Variants in MAGI3 observed in about 807,000 individuals in gnomAD.
MAGI3 encodes membrane associated guanylate kinase, WW and PDZ domain containing 3, also known as membrane-associated guanylate kinase, WW and PDZ domain-containing protein 3.
A neutral mutation model predicts 121.8 loss-of-function variants in MAGI3; 43 were observed. The ratio of observed to expected loss-of-function variants is 0.35; its 90% CI spans 0.28 to 0.46. The LOEUF (loss-of-function observed/expected upper bound fraction) is 0.46, where lower values mean the gene tolerates loss of function less well. MAGI3 is among the 20% of genes least tolerant of loss of function. The probability of loss-of-function intolerance (pLI) is 1.00; values close to 1 mark genes in which losing one functional copy is unlikely to be tolerated. For missense variants in MAGI3, 1,547 were observed against 1,797.3 expected, an observed-to-expected ratio of 0.86 and a Z score of 2.52; for synonymous variants, 553 against 639.3, an observed-to-expected ratio of 0.86 and a Z score of 2.04.
chr1:113,682,503 T>A, intron 20 of MAGI3: 2 of 1,315,920 alleles, frequency 1.5e-6, no homozygotes, highest in Non-Finnish European at 1.9e-6. Flanking sequence ...CCTTTATTAA[T>A]TAGTGATTTT....
At chr1:113,578,596 A>T (rs1259160861) in intron 2 of MAGI3, among the ~76,000 whole-genome samples, 11 of 152,022 alleles carry the variant, frequency 7.2e-5, no homozygotes, top group African/African-American at 1.2e-4. Flanking sequence ...AATTTTAAAA[A>T]TTTTTTTATA....
rs79033153 is a variant in MAGI3 at position 113,530,466 on chromosome 1, G to A, written c.317-19049G>A. Reference sequence around the variant, plus strand: ...TATTTGAGGGTAGAGGGTGGGAGGAGGGAGAGGATTAAAAAAAATACCTGT... The same window carrying A: ...TATTTGAGGGTAGAGGGTGGGAGGAAGGAGAGGATTAAAAAAAATACCTGT... On this transcript the variant is annotated intron_variant, in intron 1 of 20. Coordinates refer to ENST00000307546, the MANE Select transcript of MAGI3 (RefSeq NM_001142782.2). 2.2e-3 allele frequency among the ~76,000 whole-genome samples: 340 copies of A among 152,080 alleles called. 2 individuals carry two copies. Among genetic ancestry groups the A allele is most frequent in the African/African-American group, 7.9e-3 (327 of 41,488 alleles).
intron 1 of MAGI3, among the ~76,000 whole-genome samples, chr1:113,513,853 A>G (rs1255492475): frequency 2.6e-5 from 4 of 152,080 alleles, no homozygotes; most frequent in East Asian, 1.9e-4. Context: ...CCTACAAAAC[A>G]GGAGAAAATT....
intron 1 of MAGI3, among the ~76,000 whole-genome samples, chr1:113,494,584 G>C (rs985493726): frequency 1.4e-4 from 21 of 152,320 alleles, no homozygotes; most frequent in Non-Finnish European, 2.9e-4. Flanking sequence ...CATGCTAAAT[G>C]ATGTATCCCA....
intron 12 of MAGI3, 54 bp from the exon 13 acceptor site, chr1:113,649,183 G>A: frequency 1.4e-6 from 2 of 1,388,686 alleles, no homozygotes; most frequent in Non-Finnish European, 2.0e-6. Context: ...ACTTTGTTTT[G>A]TTTTAATCCT....
At chr1:113,622,739 T>A (rs1445264892) in intron 8 of MAGI3, 67 bp from the exon 9 acceptor site, 1 of 1,253,646 alleles carries the variant, frequency 8.0e-7, no homozygotes, top group Non-Finnish European at 1.1e-6. Context: ...ATATAAAAGA[T>A]TGACTCTGAG....
chr1:113,521,499 G>T (rs1177544912), intron 1 of MAGI3, among the ~76,000 whole-genome samples: 1 of 150,788 alleles, frequency 6.6e-6, no homozygotes, highest in African/African-American at 2.4e-5. Context: ...TCTGCCTTCC[G>T]GGTTCATGCC....
At chr1:113,574,957 C>A (rs2359410) in intron 2 of MAGI3, among the ~76,000 whole-genome samples, 9,542 of 151,958 alleles carry the variant, frequency 0.063, 333 homozygotes, top group Non-Finnish European at 0.075. Flanking sequence ...CTCTGATATC[C>A]GTTCTTCCAC....
chr1:113,436,855 C>A lies in MAGI3; in HGVS notation c.316+45506C>A, dbSNP rs1653591668. ...TTGAGACGGAGTCTCACTCTGTTGC[C>A]CAGGCTGGAGTGCAGTGGCACTGAT... is the stretch of plus-strand genomic sequence containing the variant. On this transcript the variant is annotated intron_variant, in intron 1 of 20. Coordinates refer to ENST00000307546, the MANE Select transcript of MAGI3 (RefSeq NM_001142782.2). Among the ~76,000 whole-genome samples the A allele has an allele frequency of 2.0e-5, 3 of 148,728 alleles. No individual in the cohort carries two copies. In the South Asian group the frequency reaches 6.4e-4, roughly 32 times the overall value.
chr1:113,609,289 T>C (rs1038331523), intron 6 of MAGI3, among the ~76,000 whole-genome samples: 2 of 152,238 alleles, frequency 1.3e-5, no homozygotes, highest in Admixed American at 6.5e-5. Context: ...GTGTAGGTTT[T>C]ATAGGTTAAG....
chr1:113,613,443 G>C (rs1650278343), intron 6 of MAGI3, among the ~76,000 whole-genome samples: 2 of 152,132 alleles, frequency 1.3e-5, no homozygotes, highest in Admixed American at 1.3e-4. Context: ...TCTGAATGCA[G>C]AATAATAATT....
chr1:113,532,954 G>A (rs1658794758), intron 1 of MAGI3, among the ~76,000 whole-genome samples: 1 of 152,178 alleles, frequency 6.6e-6, no homozygotes. Flanking sequence ...CTAGAAAGCA[G>A]TAACTTCTGA....
chr1:113,424,631 T>G (rs1464809283), intron 1 of MAGI3, among the ~76,000 whole-genome samples: 1 of 152,244 alleles, frequency 6.6e-6, no homozygotes, highest in Non-Finnish European at 1.5e-5. Flanking sequence ...GTAGCAATTA[T>G]ACCAATTTTT....
At chr1:113,453,453 T>C (rs1239621516) in intron 1 of MAGI3, among the ~76,000 whole-genome samples, 1 of 152,196 alleles carries the variant, frequency 6.6e-6, no homozygotes, top group African/African-American at 2.4e-5. Context: ...CCAAAACATT[T>C]ATCTGTTTTC....
chr1:113,393,364 T>C (rs1650926474), intron 1 of MAGI3, among the ~76,000 whole-genome samples: 1 of 152,234 alleles, frequency 6.6e-6, no homozygotes, highest in African/African-American at 2.4e-5. Context: ...AGTAATAAAG[T>C]TCTGAATACT....
chr1:113,438,765 A>C (rs1653766873), intron 1 of MAGI3, among the ~76,000 whole-genome samples: 1 of 152,216 alleles, frequency 6.6e-6, no homozygotes, highest in Admixed American at 6.5e-5. Flanking sequence ...CACCTCCCAC[A>C]TTGAGGGTCA....
Position 113,658,944 on chromosome 1 carries a change from A to G in MAGI3, c.2630-136A>G, listed in dbSNP as rs3748002. Reference sequence around the variant, plus strand: ...ATAGTTCCGTTTGGATGCGATGATGACGTGTGGTACTTTTCTGTTATGTTT... The same window carrying G: ...ATAGTTCCGTTTGGATGCGATGATGGCGTGTGGTACTTTTCTGTTATGTTT... On this transcript the variant is annotated intron_variant, in intron 15 of 20. Transcript: ENST00000307546. This position sits in a 1 kb window ranked among gnomAD's most constrained non-coding sequence, Gnocchi z 4.0. 80 of 730,168 alleles carry G rather than the reference A, an allele frequency of 1.1e-4. No individual in the cohort carries two copies. The East Asian group carries it at 2.0e-3, about 19-fold the overall frequency. 45.2% of individuals were successfully genotyped at this position (730,168 alleles called of 1,614,324 possible).
At chr1:113,598,997 C>G (rs1557844300) in intron 6 of MAGI3, among the ~76,000 whole-genome samples, 1 of 152,128 alleles carries the variant, frequency 6.6e-6, no homozygotes, top group Non-Finnish European at 1.5e-5. Context: ...TTTCCCTCTG[C>G]ACACTGCTTT....
intron 1 of MAGI3, among the ~76,000 whole-genome samples, chr1:113,452,265 G>A (rs1339255871): frequency 6.6e-6 from 1 of 152,088 alleles, no homozygotes; most frequent in Non-Finnish European, 1.5e-5. Flanking sequence ...GTTCAGTGAA[G>A]TCATTTGGCA....
Sources: allele counts gnomAD v4.1 joint callset (sites outside exome capture counted in the v4.1 genomes callset), GRCh38; gene constraint gnomAD v4.1.1; non-coding constraint Gnocchi (gnomAD v3.1); transcripts MANE v1.5; gene names NCBI Gene and HGNC (gene_info 2026-07-23, HGNC 2026-07-21).